Variants in PDGFD observed in about 807,000 individuals in gnomAD.
The protein encoded by PDGFD is platelet derived growth factor D.
PDGFD carries 30 observed loss-of-function variants against 44.7 expected under a neutral mutation model. The ratio of observed to expected loss-of-function variants is 0.67; its 90% confidence interval spans 0.50 to 0.91. PDGFD has a LOEUF of 0.91. Ranked by LOEUF, PDGFD falls within the 40% of genes least tolerant of loss-of-function variation. PDGFD has a pLI of 0.00. For synonymous variants in PDGFD, 173 were observed against 168.4 expected, an observed-to-expected ratio of 1.03 and a Z score of -0.21; for missense variants, 445 against 457.8, an observed-to-expected ratio of 0.97 and a Z score of 0.25.
At chr11:104,025,981 G>C (rs1860037347) in intron 1 of PDGFD, among the ~76,000 whole-genome samples, 1 of 152,174 alleles carries the variant, frequency 6.6e-6, no homozygotes, top group African/African-American at 2.4e-5. Flanking sequence ...GATGGTCTTT[G>C]TGTTTCTGCA....
chr11:104,134,715 G>A (rs1861976064), intron 1 of PDGFD, among the ~76,000 whole-genome samples: 1 of 152,212 alleles, frequency 6.6e-6, no homozygotes, highest in African/African-American at 2.4e-5. Context: ...TCTCCTGGAA[G>A]TTGAGGCAGT....
chr11:103,974,101 C>T (rs1354196706), intron 3 of PDGFD, among the ~76,000 whole-genome samples: 2 of 151,874 alleles, frequency 1.3e-5, no homozygotes, highest in Admixed American at 1.3e-4. Flanking sequence ...CATATCCAGA[C>T]CACTAGAAGA....
chr11:103,973,860 G>A (rs1859141087), intron 3 of PDGFD, among the ~76,000 whole-genome samples: 1 of 152,142 alleles, frequency 6.6e-6, no homozygotes, highest in African/African-American at 2.4e-5. Flanking sequence ...AAGGAGCAGA[G>A]AGGAACAAAC....
intron 1 of PDGFD, among the ~76,000 whole-genome samples, chr11:104,007,757 T>C (rs949455415): frequency 3.3e-5 from 5 of 152,210 alleles, no homozygotes; most frequent in South Asian, 2.1e-4. Flanking sequence ...CTATAATATG[T>C]CATAGCAGTA....
intron 3 of PDGFD, among the ~76,000 whole-genome samples, chr11:103,952,968 A>G (rs963888677): frequency 2.0e-5 from 3 of 152,204 alleles, no homozygotes; most frequent in Non-Finnish European, 4.4e-5. Flanking sequence ...TTTGGTTTCT[A>G]TGAGAAAAGT....
At chr11:103,918,744 C>T (rs1429651041) in intron 6 of PDGFD, among the ~76,000 whole-genome samples, 1 of 152,166 alleles carries the variant, frequency 6.6e-6, no homozygotes, top group Non-Finnish European at 1.5e-5. Context: ...GACTGCCTTA[C>T]TGGATGATCA....
At chr11:104,011,056 G>T (rs1361560264) in intron 1 of PDGFD, among the ~76,000 whole-genome samples, 2 of 151,994 alleles carry the variant, frequency 1.3e-5, no homozygotes, top group Non-Finnish European at 2.9e-5. Context: ...ATTTGTTATA[G>T]AAAAACCAAT....
intron 1 of PDGFD, among the ~76,000 whole-genome samples, chr11:104,028,063 G>A (rs942311628): frequency 3.3e-5 from 5 of 151,850 alleles, no homozygotes; most frequent in Non-Finnish European, 5.9e-5. Flanking sequence ...GGTGACAGGC[G>A]CCTGTAGTCC....
intron 1 of PDGFD, among the ~76,000 whole-genome samples, chr11:104,078,050 C>T (rs988681255): frequency 8.2e-5 from 9 of 109,498 alleles, no homozygotes; most frequent in Non-Finnish European, 1.5e-4. Flanking sequence ...CCTCAGCGGC[C>T]TTTGATGTAG....
intron 1 of PDGFD, chr11:104,037,626 G>T: frequency 6.2e-7 from 1 of 1,614,138 alleles, no homozygotes; most frequent in Middle Eastern, 1.6e-4. Flanking sequence ...TGACCATTAT[G>T]AGCCAGGCTT....
At chr11:104,021,999 C>T (rs556324761) in intron 1 of PDGFD, among the ~76,000 whole-genome samples, 1 of 152,236 alleles carries the variant, frequency 6.6e-6, no homozygotes, top group African/African-American at 2.4e-5. Context: ...AGGAAACAAC[C>T]ATTCTTCCTT....
chr11:103,991,045 A>C (rs1859443110), intron 3 of PDGFD, among the ~76,000 whole-genome samples: 1 of 152,032 alleles, frequency 6.6e-6, no homozygotes. Flanking sequence ...AGGCTGAGGC[A>C]GGAGAATGGC....
chr11:104,075,860 G>A (rs781722432), intron 1 of PDGFD, among the ~76,000 whole-genome samples: 2 of 152,032 alleles, frequency 1.3e-5, no homozygotes, highest in Admixed American at 6.6e-5. Context: ...GCTGAACACC[G>A]GAATTATTGC....
At chr11:103,954,117 A>C (rs1858800852) in intron 3 of PDGFD, among the ~76,000 whole-genome samples, 1 of 152,216 alleles carries the variant, frequency 6.6e-6, no homozygotes, top group African/African-American at 2.4e-5. Context: ...ATGAGTGGGA[A>C]TTTCCATTTT....
chr11:104,018,789 T>C (rs1336432664), intron 1 of PDGFD, among the ~76,000 whole-genome samples: 2 of 152,362 alleles, frequency 1.3e-5, no homozygotes, highest in East Asian at 3.9e-4. Context: ...ACCCTGCCTC[T>C]CTTTCACAAA....
chr11:103,936,349 T>C (rs149860632), intron 5 of PDGFD, among the ~76,000 whole-genome samples: 73 of 152,312 alleles, frequency 4.8e-4, no homozygotes, highest in Non-Finnish European at 7.8e-4. Context: ...GTTTCTAAAA[T>C]ATGTTCATAT....
chr11:104,094,775 A>G (rs1767856906), intron 1 of PDGFD, among the ~76,000 whole-genome samples: 1 of 152,116 alleles, frequency 6.6e-6, no homozygotes, highest in Admixed American at 6.6e-5. Flanking sequence ...TAGTTTCCCC[A>G]TGCACTTTTT....
chr11:104,111,986 T>A (rs1861565357), intron 1 of PDGFD, among the ~76,000 whole-genome samples: 1 of 152,206 alleles, frequency 6.6e-6, no homozygotes, highest in Non-Finnish European at 1.5e-5. Context: ...AGTATCCTGC[T>A]TATTATACTT....
At chr11:104,044,252 T>C (rs1860404771) in intron 1 of PDGFD, among the ~76,000 whole-genome samples, 1 of 152,230 alleles carries the variant, frequency 6.6e-6, no homozygotes, top group African/African-American at 2.4e-5. Flanking sequence ...GAAGTAGTCA[T>C]AATCTTATTA....
Sources: allele counts gnomAD v4.1 joint callset (sites outside exome capture counted in the v4.1 genomes callset), GRCh38; gene constraint gnomAD v4.1.1; transcripts MANE v1.5; gene names NCBI Gene and HGNC (gene_info 2026-07-23, HGNC 2026-07-21).